Variants in HSD17B3 observed in about 807,000 individuals in gnomAD.
HSD17B3 encodes the protein hydroxysteroid 17-beta dehydrogenase 3.
In HSD17B3, 29 loss-of-function variants were observed where a neutral mutation model predicts 41.1. The ratio of observed to expected loss-of-function variants is 0.71; its 90% CI spans 0.53 to 0.96. The LOEUF is 0.96. HSD17B3 is among the 40% of genes least tolerant of loss of function. The pLI, the probability that HSD17B3 is intolerant of heterozygous loss-of-function variation, is 0.00. For synonymous variants in HSD17B3, 126 were observed against 145.6 expected, an observed-to-expected ratio of 0.87 and a Z score of 0.97; for missense variants, 323 against 374.6, an observed-to-expected ratio of 0.86 and a Z score of 1.14.
intron 9 of HSD17B3, among the ~76,000 whole-genome samples, chr9:96,242,981 C>A (rs1244902652): frequency 1.3e-5 from 2 of 152,148 alleles, no homozygotes; most frequent in African/African-American, 4.8e-5. Flanking sequence ...TGACATGTGT[C>A]ATCTCTGGGC....
intron 2 of HSD17B3, among the ~76,000 whole-genome samples, chr9:96,259,281 A>C (rs553069908): frequency 6.6e-6 from 1 of 152,252 alleles, no homozygotes; most frequent in East Asian, 1.9e-4. Context: ...CCAGGATCTT[A>C]TGTTTATTCA....
At chr9:96,281,444 C>T (rs1826688065) in intron 2 of HSD17B3, among the ~76,000 whole-genome samples, 1 of 152,024 alleles carries the variant, frequency 6.6e-6, no homozygotes, top group African/African-American at 2.4e-5. Context: ...AGGTTAGAGG[C>T]CCTTCTTAAT....
At chr9:96,277,819 G>T (rs80092038) in intron 2 of HSD17B3, among the ~76,000 whole-genome samples, 1 of 151,238 alleles carries the variant, frequency 6.6e-6, no homozygotes, top group Non-Finnish European at 1.5e-5. Flanking sequence ...ATTAACAGAT[G>T]AATAAGGAAA....
At chr9:96,272,427 A>C (rs1425856802) in intron 2 of HSD17B3, among the ~76,000 whole-genome samples, 67 of 58,006 alleles carry the variant, frequency 1.2e-3, no homozygotes, top group East Asian at 3.1e-3. Flanking sequence ...ATATATATAT[A>C]TATATATATA....
At chr9:96,248,794 T>C (rs754294998) in intron 6 of HSD17B3, among the ~76,000 whole-genome samples, 1 of 152,196 alleles carries the variant, frequency 6.6e-6, no homozygotes, top group South Asian at 2.1e-4. Flanking sequence ...TTTCTCTAAA[T>C]TGTCTACATA....
At chr9:96,299,780 G>A (rs551799190) in intron 1 of HSD17B3, among the ~76,000 whole-genome samples, 11 of 152,146 alleles carry the variant, frequency 7.2e-5, no homozygotes, top group Admixed American at 6.5e-4. Flanking sequence ...AAAGAATTAG[G>A]AAATCCAGCA....
intron 2 of HSD17B3, among the ~76,000 whole-genome samples, chr9:96,294,999 G>A (rs983573866): frequency 7.2e-6 from 1 of 139,058 alleles, no homozygotes; most frequent in African/African-American, 2.7e-5. Flanking sequence ...CAGACACGAG[G>A]AGCTTTTTTT....
At chr9:96,253,266 TG>T (rs966054120) in intron 3 of HSD17B3, among the ~76,000 whole-genome samples, 1 of 152,140 alleles carries the variant, frequency 6.6e-6, no homozygotes, top group African/African-American at 2.4e-5. Flanking sequence ...AGAAACTCTG[TG>T]GGTGGAGCCC....
rs763384293 is a variant in HSD17B3 at position 96,245,379 on chromosome 9, G to A, written c.572C>T (p.Pro191Leu). The change falls in exon 8 of 11, where the codon CCT becomes CTT. Residue 191 changes from proline (P) to leucine (L), a missense_variant. By Grantham distance (98) the Pro-to-Leu change is moderately conservative (BLOSUM62 -3). Coordinates refer to ENST00000375263, the MANE Select transcript of HSD17B3 (RefSeq NM_000197.2). ...TGAGTACATGGAGTAGAGAGGCCAA[G>A]GAAACAGGGCTATCCCAGAAGAAAT... is the stretch of plus-strand genomic sequence containing the variant. ...LNISSGIALF[P>L]WPLYSMYSAS... 2 of 1,614,090 alleles carry A rather than the reference G, an allele frequency of 1.2e-6. No homozygotes were observed. The highest frequency in any genetic ancestry group is 1.7e-6 in the Non-Finnish European group (2 of 1,179,958).
At chr9:96,277,672 A>AATAAAAAAT (rs57446676) in intron 2 of HSD17B3, among the ~76,000 whole-genome samples, 79,161 of 151,744 alleles carry the variant, frequency 0.52, 20,868 homozygotes, top group East Asian at 0.68. Flanking sequence ...TCCTTCAAAT[A>AATAAAAAAT]ATAACTACTT....
chr9:96,300,250 A>ACACACACACACACG (rs747577630), intron 1 of HSD17B3, among the ~76,000 whole-genome samples: 2 of 151,122 alleles, frequency 1.3e-5, no homozygotes, highest in African/African-American at 2.4e-5. Context: ...ACACACACAC[A>ACACACACACACACG]CACGCACACA....
intron 7 of HSD17B3, among the ~76,000 whole-genome samples, chr9:96,245,915 G>C (rs941214684): frequency 4.6e-5 from 7 of 152,190 alleles, no homozygotes; most frequent in African/African-American, 1.7e-4. Flanking sequence ...CCCTATGCAA[G>C]TCTCCAGGAG....
intron 4 of HSD17B3, among the ~76,000 whole-genome samples, chr9:96,252,571 T>C (rs183668164): frequency 1.1e-4 from 16 of 150,384 alleles, no homozygotes; most frequent in Non-Finnish European, 1.9e-4. Context: ...AAAGAAAATA[T>C]AGTTGGGGGT....
At position 96,257,838 on chromosome 9, in the gene HSD17B3, A is replaced by G. The variant is rs548002051; in HGVS notation, c.202-2895T>C. 2.6e-5 allele frequency among the ~76,000 whole-genome samples: 4 copies of G among 152,200 alleles called. No individual in the cohort carries two copies. The South Asian group carries it at 8.3e-4, about 32-fold the overall frequency. ...TGCCATCATGCCCGGCTAATTCTTT[A>G]TTTTTTGTAGAAATGAGGTCTCACT... On this transcript the variant is annotated intron_variant, in intron 2 of 10. Coordinates refer to ENST00000375263, the MANE Select transcript of HSD17B3 (RefSeq NM_000197.2).
intron 2 of HSD17B3, among the ~76,000 whole-genome samples, chr9:96,273,259 C>A (rs1179633572): frequency 2.6e-5 from 4 of 152,012 alleles, no homozygotes; most frequent in African/African-American, 7.3e-5. Flanking sequence ...GTCCACACAC[C>A]CCCATAATTT....
intron 6 of HSD17B3, among the ~76,000 whole-genome samples, chr9:96,248,493 C>G (rs1231613102): frequency 6.6e-6 from 1 of 152,222 alleles, no homozygotes; most frequent in Non-Finnish European, 1.5e-5. Flanking sequence ...TAGTCTCCAA[C>G]CAGGGTCCCA....
At chr9:96,253,827 T>A (rs1332127308) in intron 3 of HSD17B3, among the ~76,000 whole-genome samples, 1 of 152,150 alleles carries the variant, frequency 6.6e-6, no homozygotes, top group Non-Finnish European at 1.5e-5. Flanking sequence ...AGGCAAACAC[T>A]GAAGAATGTC....
At chr9:96,264,403 T>G (rs1460815447) in intron 2 of HSD17B3, among the ~76,000 whole-genome samples, 2 of 152,110 alleles carry the variant, frequency 1.3e-5, no homozygotes, top group African/African-American at 2.4e-5. Context: ...CTCAATCCTC[T>G]ATGTCTTTGA....
chr9:96,296,112 G>A (rs1056262079), intron 2 of HSD17B3, among the ~76,000 whole-genome samples: 7 of 152,266 alleles, frequency 4.6e-5, no homozygotes, highest in Non-Finnish European at 1.0e-4. Flanking sequence ...AGCCAGGCGT[G>A]ATGGCACACG....
Sources: allele counts gnomAD v4.1 joint callset (sites outside exome capture counted in the v4.1 genomes callset), GRCh38; gene constraint gnomAD v4.1.1; transcripts MANE v1.5; gene names NCBI Gene and HGNC (gene_info 2026-07-23, HGNC 2026-07-21).